PDE1A: variants seen among roughly 807,000 people sequenced by gnomAD.
PDE1A encodes dual specificity calcium/calmodulin-dependent 3',5'-cyclic nucleotide phosphodiesterase 1A.
Under a neutral mutation model 61.7 loss-of-function variants are expected in PDE1A, and 35 were observed. The observed-to-expected ratio is 0.57, with a 90% CI of 0.43 to 0.75. The LOEUF (loss-of-function observed/expected upper bound fraction) is 0.75. PDE1A is among the 30% of genes least tolerant of loss of function. PDE1A has a pLI of 0.00. For synonymous variants in PDE1A, 232 were observed against 213.2 expected (o/e 1.09, Z -0.77); for missense variants, 597 against 630.6 (o/e 0.95, Z 0.57).
At chr2:182,167,809 T>A (rs1158954640), downstream of PDE1A, 1 of 594,024 alleles carries the variant, frequency 1.7e-6, no homozygotes, top group Non-Finnish European at 2.1e-6. Context: ...GGACAAATGG[T>A]AGAATTAATG....
At chr2:182,329,952 T>C (rs1697295524) in intron 1 of PDE1A, among the ~76,000 whole-genome samples, 1 of 152,246 alleles carries the variant, frequency 6.6e-6, no homozygotes, top group Admixed American at 6.5e-5. Flanking sequence ...TGATATATAA[T>C]GACTATTTAA....
the PDE1A span, among the ~76,000 whole-genome samples, chr2:182,529,454 A>G: frequency 6.6e-6 from 1 of 152,220 alleles, no homozygotes; most frequent in Non-Finnish European, 1.5e-5. Flanking sequence ...TTTATTTTAC[A>G]GACTCATAGG....
intron 1 of PDE1A, among the ~76,000 whole-genome samples, chr2:182,371,121 A>G (rs6747943): frequency 0.43 from 65,958 of 152,020 alleles, 16,067 homozygotes; most frequent in East Asian, 0.67. Flanking sequence ...ACTTAATGTC[A>G]TTTGATTCTA....
chr2:182,492,947 A>G (rs1430625667), intron 2 of PDE1A, among the ~76,000 whole-genome samples: 1 of 151,952 alleles, frequency 6.6e-6, no homozygotes, highest in Admixed American at 6.6e-5. Context: ...GCTTAGAATC[A>G]GTGTCAGTGT....
intron 4 of PDE1A, among the ~76,000 whole-genome samples, chr2:182,232,988 A>G (rs1375538457): frequency 6.6e-6 from 1 of 152,220 alleles, no homozygotes; most frequent in Non-Finnish European, 1.5e-5. Flanking sequence ...TTATTTAACT[A>G]AAACATTCTT....
At chr2:182,609,375 C>T in the PDE1A span, among the ~76,000 whole-genome samples, 17 of 152,354 alleles carry the variant, frequency 1.1e-4, no homozygotes, top group East Asian at 2.3e-3. Flanking sequence ...AGCCTGGTAA[C>T]CCTCTAGAGT....
the PDE1A span, among the ~76,000 whole-genome samples, chr2:182,654,119 G>A: frequency 1.3e-5 from 2 of 152,152 alleles, no homozygotes; most frequent in Non-Finnish European, 2.9e-5. Context: ...AATTAATTAT[G>A]AAACTCTTGA....
chr2:182,645,093 C>A, the PDE1A span, among the ~76,000 whole-genome samples: 1 of 150,858 alleles, frequency 6.6e-6, no homozygotes, highest in Non-Finnish European at 1.5e-5. Context: ...TTACGCCATT[C>A]TCCTGCCTCA....
chr2:182,188,001 C>T (rs1685372681), intron 11 of PDE1A, among the ~76,000 whole-genome samples: 1 of 152,060 alleles, frequency 6.6e-6, no homozygotes, highest in African/African-American at 2.4e-5. Context: ...CCTCGGCCTC[C>T]CAAAGTGCTG....
chr2:182,162,927 T>C (rs1026633745), downstream of PDE1A, among the ~76,000 whole-genome samples: 1 of 152,150 alleles, frequency 6.6e-6, no homozygotes, highest in Non-Finnish European at 1.5e-5. Context: ...GGGTGAAGAT[T>C]ATTATGATAG....
At chr2:182,556,736 C>A in the PDE1A span, among the ~76,000 whole-genome samples, 3 of 152,172 alleles carry the variant, frequency 2.0e-5, no homozygotes, top group Non-Finnish European at 2.9e-5. Context: ...GAAGCCATAA[C>A]TAGAAATATG....
chr2:182,302,412 T>C (rs565130847), intron 1 of PDE1A, among the ~76,000 whole-genome samples: 1 of 152,354 alleles, frequency 6.6e-6, no homozygotes, highest in Non-Finnish European at 1.5e-5. Context: ...AAAAGTTATG[T>C]TTGTACTACA....
the PDE1A span, among the ~76,000 whole-genome samples, chr2:182,588,992 G>A: frequency 1.3e-5 from 2 of 150,592 alleles, no homozygotes; most frequent in Admixed American, 6.6e-5. Context: ...GCACTGAGCC[G>A]AGATGGCACC....
At chr2:182,419,317 C>T (rs1476480132) in intron 1 of PDE1A, among the ~76,000 whole-genome samples, 2 of 150,686 alleles carry the variant, frequency 1.3e-5, no homozygotes, top group African/African-American at 2.4e-5. Context: ...TATTGATTTT[C>T]TCATTCTTTT....
rs1487865042 is a variant in PDE1A at position 182,216,175 on chromosome 2, A to T, written c.776+7689T>A. On this transcript the variant is annotated intron_variant, in intron 7 of 13. Coordinates refer to ENST00000351439, the Ensembl canonical transcript of PDE1A. The stretch of plus-strand genomic sequence containing the variant: ...AGCCAAAGACAAAAACCACATGATT[A>T]TCTCAATAGATGCAGAAAAAGCCTT... 2.6e-5 allele frequency among the ~76,000 whole-genome samples: 2 copies of T among 77,482 alleles called. 1 individual carries two copies. Among genetic ancestry groups the T allele is most frequent in the Non-Finnish European group, 5.2e-5 (2 of 38,134 alleles). 50.8% of individuals were successfully genotyped at this position (77,482 alleles called of 152,430 possible).
intron 1 of PDE1A, among the ~76,000 whole-genome samples, chr2:182,335,566 T>G (rs193005001): frequency 2.0e-4 from 31 of 152,336 alleles, no homozygotes; most frequent in Admixed American, 1.2e-3. Flanking sequence ...GCTGGCCATA[T>G]GCAGAAAACA....
At chr2:182,199,238 T>C (rs1342222472) in intron 10 of PDE1A, among the ~76,000 whole-genome samples, 1 of 151,952 alleles carries the variant, frequency 6.6e-6, no homozygotes, top group Non-Finnish European at 1.5e-5. Context: ...TGCAAGTAAT[T>C]TCATTACTTT....
intron 1 of PDE1A, among the ~76,000 whole-genome samples, chr2:182,267,114 C>T (rs911268586): frequency 2.0e-5 from 3 of 152,070 alleles, no homozygotes; most frequent in Middle Eastern, 3.2e-3. Context: ...AGTGCATTTC[C>T]TAACTCACAA....
the PDE1A span, among the ~76,000 whole-genome samples, chr2:182,592,455 T>G: frequency 6.6e-6 from 1 of 152,182 alleles, no homozygotes; most frequent in Non-Finnish European, 1.5e-5. Context: ...CCACATGGGG[T>G]GCATTTACAC....
Sources: allele counts gnomAD v4.1 joint callset (sites outside exome capture counted in the v4.1 genomes callset), GRCh38; gene constraint gnomAD v4.1.1; transcripts MANE v1.5; gene names NCBI Gene and HGNC (gene_info 2026-07-23, HGNC 2026-07-21).